The following KCND2 variants were observed in gnomAD, a reference collection of about 807,000 sequenced individuals.
The protein encoded by KCND2 is A-type voltage-gated potassium channel KCND2.
KCND2 carries 16 observed loss-of-function variants against 54.4 expected under a neutral mutation model. The ratio of observed to expected loss-of-function variants is 0.29; its 90% confidence interval spans 0.20 to 0.45. The LOEUF is 0.45. Among genes scored for constraint, KCND2 ranks in the 20% least tolerant of loss-of-function variants. KCND2 has a pLI of 1.00. For synonymous variants in KCND2, 317 were observed against 310.7 expected (o/e 1.02, Z -0.21); for missense variants, 486 against 824.2 (o/e 0.59, Z 5.02).
intron 1 of KCND2, among the ~76,000 whole-genome samples, chr7:120,509,948 G>A (rs940530270): frequency 6.6e-6 from 1 of 151,964 alleles, no homozygotes; most frequent in African/African-American, 2.4e-5. Context: ...TAGCCGTTGT[G>A]CAAATACTCT....
intron 1 of KCND2, among the ~76,000 whole-genome samples, chr7:120,511,443 G>A (rs1230947679): frequency 6.6e-6 from 1 of 152,024 alleles, no homozygotes; most frequent in Non-Finnish European, 1.5e-5. Context: ...CTCACAGTAG[G>A]CATTCAACAG....
intron 1 of KCND2, among the ~76,000 whole-genome samples, chr7:120,561,415 C>G (rs950936620): frequency 6.6e-6 from 1 of 152,022 alleles, no homozygotes; most frequent in African/African-American, 2.4e-5. Flanking sequence ...AGGCACTGAT[C>G]TAAGTCTTTA....
intron 1 of KCND2, among the ~76,000 whole-genome samples, chr7:120,438,778 T>C (rs1184694083): frequency 2.0e-5 from 3 of 152,162 alleles, no homozygotes; most frequent in African/African-American, 7.2e-5. Flanking sequence ...TCCTGTGGCA[T>C]TAATAATCAG....
At chr7:120,601,789 T>C (rs1792816687) in intron 1 of KCND2, among the ~76,000 whole-genome samples, 1 of 152,110 alleles carries the variant, frequency 6.6e-6, no homozygotes, top group African/African-American at 2.4e-5. Context: ...TTAGTTGAAA[T>C]TGTCAACTAA....
intron 1 of KCND2, among the ~76,000 whole-genome samples, chr7:120,651,338 G>A (rs1017245064): frequency 3.3e-5 from 5 of 151,816 alleles, no homozygotes; most frequent in African/African-American, 9.7e-5. Context: ...CCCAAGCCTG[G>A]CTGCTGCCTT....
chr7:120,387,886 C>G (rs1329079154), intron 1 of KCND2, among the ~76,000 whole-genome samples: 1 of 151,980 alleles, frequency 6.6e-6, no homozygotes, highest in African/African-American at 2.4e-5. Flanking sequence ...TACAGTGTCT[C>G]TAGGTCATCA....
chr7:120,592,361 G>A (rs1314505654), intron 1 of KCND2, among the ~76,000 whole-genome samples: 3 of 152,104 alleles, frequency 2.0e-5, no homozygotes, highest in Non-Finnish European at 4.4e-5. Context: ...AGACCAGCCT[G>A]TCCAATATGG....
At position 120,512,191 on chromosome 7, in the gene KCND2, T is replaced by C. The variant is rs186027835; in HGVS notation, c.1116-220712T>C. On this transcript the variant is annotated intron_variant, in intron 1 of 5. Coordinates refer to ENST00000331113, the MANE Select transcript of KCND2 (RefSeq NM_012281.3). ...AATTAATGTATTTCAAAAAACACAA[T>C]GTTTAAGTGCCCAATTTTTAGCTAC... 3.9e-3 allele frequency among the ~76,000 whole-genome samples: 601 copies of C among 152,206 alleles called. 3 individuals are homozygous for C. The highest frequency in any genetic ancestry group is 0.014 in the African/African-American group (561 of 41,546).
intron 1 of KCND2, among the ~76,000 whole-genome samples, chr7:120,457,744 G>A: frequency 6.6e-6 from 1 of 152,250 alleles, no homozygotes; most frequent in African/African-American, 2.4e-5. Flanking sequence ...CCTCCAGACT[G>A]TTCCAACCTC....
At chr7:120,430,445 C>T (rs1801772510) in intron 1 of KCND2, among the ~76,000 whole-genome samples, 1 of 151,956 alleles carries the variant, frequency 6.6e-6, no homozygotes, top group African/African-American at 2.4e-5. Flanking sequence ...ATGGTGAAAC[C>T]CCATCTCTAC....
chr7:120,404,238 A>G (rs1312810981), intron 1 of KCND2, among the ~76,000 whole-genome samples: 1 of 152,130 alleles, frequency 6.6e-6, no homozygotes, highest in Non-Finnish European at 1.5e-5. Context: ...CATCATCAAC[A>G]TGGTTTAATA....
At chr7:120,606,118 G>A (rs1792878465) in intron 1 of KCND2, among the ~76,000 whole-genome samples, 1 of 152,006 alleles carries the variant, frequency 6.6e-6, no homozygotes, top group African/African-American at 2.4e-5. Context: ...TGACTTTGAG[G>A]CCTCCCCAGC....
chr7:120,523,652 T>C (rs916737668), intron 1 of KCND2, among the ~76,000 whole-genome samples: 4 of 148,298 alleles, frequency 2.7e-5, no homozygotes, highest in African/African-American at 9.8e-5. Flanking sequence ...AATACATACA[T>C]ATTATATATT....
At chr7:120,325,849 C>G (rs1035812966) in intron 1 of KCND2, among the ~76,000 whole-genome samples, 4 of 151,988 alleles carry the variant, frequency 2.6e-5, no homozygotes, top group Admixed American at 6.6e-5. Flanking sequence ...TATGTGGGGT[C>G]AAACTTGGGT....
chr7:120,359,213 T>C (rs1800554429), intron 1 of KCND2, among the ~76,000 whole-genome samples: 1 of 152,206 alleles, frequency 6.6e-6, no homozygotes, highest in East Asian at 1.9e-4. Context: ...TGGAAAGATT[T>C]TGTGCTCTGT....
chr7:120,675,444 G>C (rs1434116261), intron 1 of KCND2, among the ~76,000 whole-genome samples: 1 of 150,598 alleles, frequency 6.6e-6, no homozygotes, highest in African/African-American at 2.4e-5. Flanking sequence ...TCGCCATGTT[G>C]GCCAGGCTGG....
intron 1 of KCND2, among the ~76,000 whole-genome samples, chr7:120,701,807 T>A (rs746664217): frequency 1.3e-5 from 2 of 151,908 alleles, no homozygotes; most frequent in Non-Finnish European, 2.9e-5. Context: ...AAAAATTAAC[T>A]CAAGAAAGAT....
intron 1 of KCND2, among the ~76,000 whole-genome samples, chr7:120,548,579 A>G (rs751252269): frequency 6.6e-6 from 1 of 152,102 alleles, no homozygotes; most frequent in Non-Finnish European, 1.5e-5. Context: ...GCCTCCCAAA[A>G]GCTCTCAGTG....
chr7:120,739,996 G>T (rs1792921081), intron 2 of KCND2, among the ~76,000 whole-genome samples: 1 of 151,896 alleles, frequency 6.6e-6, no homozygotes, highest in Non-Finnish European at 1.5e-5. Flanking sequence ...TTTATACCGT[G>T]GTATATTATA....
Sources: allele counts gnomAD v4.1 joint callset (sites outside exome capture counted in the v4.1 genomes callset), GRCh38; gene constraint gnomAD v4.1.1; transcripts MANE v1.5; gene names NCBI Gene and HGNC (gene_info 2026-07-23, HGNC 2026-07-21).